NXPE3: variants seen among roughly 807,000 people sequenced by gnomAD.
NXPE3 encodes NXPE family member 3.
In NXPE3, 26 loss-of-function variants were observed where a neutral mutation model predicts 46.1. The observed-to-expected ratio is 0.56, with a 90% CI of 0.41 to 0.78. The LOEUF (loss-of-function observed/expected upper bound fraction) is 0.78. Among genes scored for constraint, NXPE3 ranks in the 30% least tolerant of loss-of-function variants. NXPE3 has a pLI of 0.00. For missense variants in NXPE3, 620 were observed against 686.0 expected, an observed-to-expected ratio of 0.90 and a Z score of 1.07; for synonymous variants, 272 against 257.9, an observed-to-expected ratio of 1.05 and a Z score of -0.52.
At chr3:101,802,071 C>T (rs892518535) in intron 5 of NXPE3, 82 bp downstream of exon 5, 169 of 1,356,824 alleles carry the variant, frequency 1.2e-4, no homozygotes, top group Non-Finnish European at 1.5e-4. Context: ...TTCTGGTATT[C>T]GGTATGTGTT....
intron 6 of NXPE3, among the ~76,000 whole-genome samples, chr3:101,808,380 T>C (rs1041314270): frequency 2.0e-5 from 3 of 152,142 alleles, no homozygotes; most frequent in Admixed American, 1.3e-4. Context: ...GCAAACCCTT[T>C]TGCTGCAGGG....
At chr3:101,791,243 G>A (rs1316220376) in intron 4 of NXPE3, among the ~76,000 whole-genome samples, 1 of 152,094 alleles carries the variant, frequency 6.6e-6, no homozygotes, top group Non-Finnish European at 1.5e-5. Context: ...ACAGCCTACA[G>A]CTCCATCCAT....
intron 7 of NXPE3, among the ~76,000 whole-genome samples, chr3:101,819,713 G>C (rs948636658): frequency 2.0e-5 from 3 of 152,118 alleles, no homozygotes; most frequent in African/African-American, 4.8e-5. Flanking sequence ...AGTACATCAA[G>C]TAAATTAACA....
chr3:101,807,955 A>G (rs1014347259), intron 6 of NXPE3, among the ~76,000 whole-genome samples: 1 of 152,140 alleles, frequency 6.6e-6, no homozygotes, highest in Non-Finnish European at 1.5e-5. Context: ...CTCTAGAGAT[A>G]TGGGTAAAAT....
At chr3:101,809,550 G>A (rs1941614582) in intron 6 of NXPE3, among the ~76,000 whole-genome samples, 1 of 152,170 alleles carries the variant, frequency 6.6e-6, no homozygotes, top group African/African-American at 2.4e-5. Flanking sequence ...AATTCTAATT[G>A]TGACTTTTAA....
At chr3:101,808,818 G>GATAT (rs58006464) in intron 6 of NXPE3, among the ~76,000 whole-genome samples, 2,175 of 30,642 alleles carry the variant, frequency 0.071, 177 homozygotes, top group Non-Finnish European at 0.089. Flanking sequence ...AATTTTAGAG[G>GATAT]ATATATATAT....
intron 4 of NXPE3, among the ~76,000 whole-genome samples, chr3:101,790,244 G>A (rs542539889): frequency 2.0e-4 from 31 of 152,220 alleles, no homozygotes; most frequent in Non-Finnish European, 4.0e-4. Context: ...AGATCAACAT[G>A]GTTCATGGTG....
chr3:101,780,153 GTTAA>G (rs1422519790), intron 1 of NXPE3, among the ~76,000 whole-genome samples: 2 of 152,186 alleles, frequency 1.3e-5, no homozygotes, highest in African/African-American at 4.8e-5. Context: ...CCTCACTGTG[GTTAA>G]TTATCATTTG....
chr3:101,815,447 T>G (rs1037343770), intron 6 of NXPE3, among the ~76,000 whole-genome samples: 24 of 152,262 alleles, frequency 1.6e-4, no homozygotes, highest in Non-Finnish European at 3.5e-4. Flanking sequence ...TAGTCTAAGT[T>G]GTTACTTGCC....
rs192578865 is a variant in NXPE3 at position 101,827,820 on chromosome 3, C to A, written c.*5866C>A. Among the ~76,000 whole-genome samples the A allele has an allele frequency of 1.3e-5, 2 of 152,308 alleles. No homozygotes were observed. Among genetic ancestry groups the A allele is most frequent in the African/African-American group, 4.8e-5 (2 of 41,568 alleles). On this transcript the variant is annotated 3_prime_UTR_variant, in exon 8 of 8. Coordinates refer to ENST00000273347, the MANE Select transcript of NXPE3 (RefSeq NM_145037.4). ...CCACAAATCTAGGCCTCGCTGCCCC[C>A]TCCCTGCCTCCTCTGGCCCTCCTCA...
intron 5 of NXPE3, among the ~76,000 whole-genome samples, chr3:101,802,748 T>C (rs932741538): frequency 6.6e-6 from 1 of 151,976 alleles, no homozygotes; most frequent in African/African-American, 2.4e-5. Context: ...CTTAAAATAT[T>C]TTCAGCATGA....
intron 1 of NXPE3, among the ~76,000 whole-genome samples, chr3:101,780,607 T>G (rs538980033): frequency 2.8e-4 from 42 of 152,338 alleles, no homozygotes; most frequent in African/African-American, 9.6e-4. Context: ...CTACAGATTC[T>G]GATTTAATTG....
intron 1 of NXPE3, among the ~76,000 whole-genome samples, chr3:101,780,195 A>G (rs1939728722): frequency 6.6e-6 from 1 of 152,226 alleles, no homozygotes. Flanking sequence ...TGAAACTGGC[A>G]GGACTCCCAG....
intron 4 of NXPE3, among the ~76,000 whole-genome samples, chr3:101,800,057 C>G (rs1217091777): frequency 6.6e-6 from 1 of 151,992 alleles, no homozygotes; most frequent in Non-Finnish European, 1.5e-5. Context: ...TTTTCAAGTT[C>G]ATTGATTTCT....
At chr3:101,798,519 GTGTATATATGTA>G (rs60632674) in intron 4 of NXPE3, among the ~76,000 whole-genome samples, 42,665 of 146,474 alleles carry the variant, frequency 0.29, 6,503 homozygotes, top group Non-Finnish European at 0.34. Context: ...ATATATGTAT[GTGTATATATGTA>G]TGTATATATG....
At chr3:101,809,503 G>A (rs1159406451) in intron 6 of NXPE3, among the ~76,000 whole-genome samples, 4 of 152,086 alleles carry the variant, frequency 2.6e-5, no homozygotes, top group African/African-American at 9.7e-5. Flanking sequence ...ATTCATCAAG[G>A]TTCATCAGAT....
At chr3:101,798,535 ATATAT>A (rs1940961503) in intron 4 of NXPE3, among the ~76,000 whole-genome samples, 1 of 144,238 alleles carries the variant, frequency 6.9e-6, no homozygotes, top group Non-Finnish European at 1.5e-5. Flanking sequence ...ATATGTATGT[ATATAT>A]GTATGTAGAT....
In NXPE3 at chr3:101,824,983, ATC is replaced by A. The variant is rs1290953289; in HGVS notation, c.*3035_*3036del. On this transcript the variant is annotated 3_prime_UTR_variant, in exon 8 of 8. Transcript: ENST00000273347. ...TGACACAGCTTCTTGAGTCACTTTC[ATC>A]TCTCTTAAAAAAATTTTTTTTTTAA... 2 of 152,082 alleles carry A rather than the reference ATC, an allele frequency of 1.3e-5. No individual in the cohort carries two copies. The highest frequency in any genetic ancestry group is 2.9e-5 in the Non-Finnish European group (2 of 68,020). 9.4% of individuals were successfully genotyped at this position (152,082 alleles called of 1,614,324 possible).
chr3:101,810,447 TCTC>T (rs1264763554), intron 6 of NXPE3, among the ~76,000 whole-genome samples: 3 of 152,330 alleles, frequency 2.0e-5, no homozygotes, highest in African/African-American at 7.2e-5. Flanking sequence ...TCTTACATAA[TCTC>T]CTTCCCCTTG....
Sources: allele counts gnomAD v4.1 joint callset (sites outside exome capture counted in the v4.1 genomes callset), GRCh38; gene constraint gnomAD v4.1.1; transcripts MANE v1.5; gene names NCBI Gene and HGNC (gene_info 2026-07-23, HGNC 2026-07-21).